Variants in EZH2 observed in about 807,000 individuals in gnomAD.
EZH2 encodes histone-lysine N-methyltransferase EZH2.
EZH2 carries 18 observed loss-of-function variants against 98.4 expected under a neutral mutation model. The observed-to-expected ratio is 0.18, with a 90% CI of 0.13 to 0.27. EZH2 has a LOEUF of 0.27. Ranked by LOEUF, EZH2 falls within the 10% of genes least tolerant of loss-of-function variation. The probability of loss-of-function intolerance (pLI) is 1.00; values close to 1 mark genes in which losing one functional copy is unlikely to be tolerated. For missense variants in EZH2, 470 were observed against 935.1 expected, an observed-to-expected ratio of 0.50 and a Z score of 6.49; for synonymous variants, 338 against 312.3, an observed-to-expected ratio of 1.08 and a Z score of -0.87.
In EZH2 at chr7:148,807,495, A is replaced by G. The variant is rs1801775433; in HGVS notation, c.*151T>C. 1.2e-5 allele frequency: 8 copies of G among 668,676 alleles called. No individual in the cohort carries two copies. The highest frequency in any genetic ancestry group is 2.6e-6 in the Non-Finnish European group (1 of 387,604). 41.4% of individuals were successfully genotyped at this position (668,676 alleles called of 1,614,324 possible). The stretch of plus-strand genomic sequence containing the variant: ...CTGGTGAGAAGGCAATAAAAAGTTG[A>G]TTTTTAAACTCATTACTATAAATTA... On this transcript the variant is annotated 3_prime_UTR_variant, in exon 20 of 20. Coordinates refer to ENST00000320356, the MANE Select transcript of EZH2 (RefSeq NM_004456.5).
intron 1 of EZH2, among the ~76,000 whole-genome samples, chr7:148,883,682 G>A (rs890585263): frequency 4.6e-5 from 7 of 151,444 alleles, no homozygotes; most frequent in African/African-American, 1.7e-4. Context: ...GAGCCCTCCG[G>A]AGACACAGTC....
chr7:148,814,778 T>A (rs559366067), intron 14 of EZH2, 136 bp downstream of exon 14: 14 of 1,124,778 alleles, frequency 1.2e-5, no homozygotes, highest in Non-Finnish European at 1.7e-5. Flanking sequence ...TGGGGCTCAA[T>A]AAATACTTGT....
intron 1 of EZH2, among the ~76,000 whole-genome samples, chr7:148,878,897 CAAA>C (rs1336074463): frequency 6.8e-6 from 1 of 146,364 alleles, no homozygotes; most frequent in South Asian, 2.2e-4. Context: ...ACCCTGTCTC[CAAA>C]AAAAAATTTT....
intron 3 of EZH2, among the ~76,000 whole-genome samples, chr7:148,839,053 T>TAAGGAAGGAAGGAGAAGG (rs1554402364): frequency 9.3e-6 from 1 of 107,744 alleles, no homozygotes; most frequent in African/African-American, 3.7e-5. Context: ...CTCTGTCAAA[T>TAAGGAAGGAAGGAGAAGG]AAGGAAGGAA....
At chr7:148,878,559 T>C (rs1820491678) in intron 1 of EZH2, among the ~76,000 whole-genome samples, 1 of 152,242 alleles carries the variant, frequency 6.6e-6, no homozygotes, top group South Asian at 2.1e-4. Context: ...ATATACCACA[T>C]TTTGTTAATT....
Position 148,868,882 on chromosome 7 carries a change from C to T in EZH2, c.-8+15282G>A, listed in dbSNP as rs146564402. The stretch of plus-strand genomic sequence containing the variant: ...TTTCTAGAAAATGTGTATAGTACAG[C>T]TGGCCAGTTACATGCTATTTGTAAA... On this transcript the variant is annotated intron_variant, in intron 1 of 19. Coordinates refer to ENST00000320356, the MANE Select transcript of EZH2 (RefSeq NM_004456.5). 8.4e-3 allele frequency among the ~76,000 whole-genome samples: 1,283 copies of T among 152,178 alleles called. 27 individuals are homozygous for T. The highest frequency in any genetic ancestry group is 0.03 in the African/African-American group (1,228 of 41,480).
intron 8 of EZH2, among the ~76,000 whole-genome samples, chr7:148,823,666 T>G (rs1464660974): frequency 6.6e-6 from 1 of 151,764 alleles, no homozygotes; most frequent in Non-Finnish European, 1.5e-5. Context: ...TTTTTTTTTT[T>G]TAAGAGATGG....
At chr7:148,869,796 T>C (rs767873345) in intron 1 of EZH2, among the ~76,000 whole-genome samples, 8 of 140,822 alleles carry the variant, frequency 5.7e-5, no homozygotes, top group Non-Finnish European at 1.2e-4. Context: ...ATCTCATTCA[T>C]GTCACCATGA....
intron 1 of EZH2, among the ~76,000 whole-genome samples, chr7:148,882,567 TAC>T (rs754831997): frequency 5.3e-5 from 8 of 152,222 alleles, no homozygotes; most frequent in Non-Finnish European, 7.3e-5. Flanking sequence ...AAGTTAGGAT[TAC>T]ACACTTGTAC....
At chr7:148,874,060 C>T (rs1377869980) in intron 1 of EZH2, among the ~76,000 whole-genome samples, 1 of 152,074 alleles carries the variant, frequency 6.6e-6, no homozygotes, top group East Asian at 1.9e-4. Context: ...GTAAGAAAAT[C>T]AAGTGAGATC....
At chr7:148,858,407 C>A (rs1433292743) in intron 1 of EZH2, among the ~76,000 whole-genome samples, 1 of 152,150 alleles carries the variant, frequency 6.6e-6, no homozygotes, top group Admixed American at 6.5e-5. Flanking sequence ...CCGACCGTAG[C>A]TCACTGCAGC....
At position 148,826,506 on chromosome 7, in the gene EZH2, G is replaced by C. The variant is rs1563235911; in HGVS notation, c.855C>G (p.Phe285Leu). 2 of 1,603,406 alleles carry C rather than the reference G, an allele frequency of 1.2e-6. No individual in the cohort carries two copies. The change falls in exon 8 of 20, where the codon TTC becomes TTG. Residue 285 changes from phenylalanine to leucine, a missense_variant. Physicochemically the swap from Phe to Leu is conservative, Grantham distance 22. Transcript: ENST00000320356. ...AGTCATATTTAAAACATCGCCTACA[G>C]AAAAGCGTATGAAAGGAGTGTAAGC... is the stretch of plus-strand genomic sequence containing the variant. ...EQSLHSFHTLFCRRCFKYDCF... is the reference protein window; with the variant it reads ...EQSLHSFHTLLCRRCFKYDCF...
chr7:148,818,202 G>A (rs376717868), intron 9 of EZH2, 85 bp from the exon 10 acceptor site: 2 of 1,383,350 alleles, frequency 1.4e-6, no homozygotes, highest in Non-Finnish European at 1.9e-6. Context: ...TATAAGCCAG[G>A]TTAGTCAAAA....
intron 6 of EZH2, among the ~76,000 whole-genome samples, chr7:148,828,099 CAG>C (rs1484857632): frequency 3.9e-5 from 6 of 152,198 alleles, no homozygotes; most frequent in African/African-American, 1.4e-4. Flanking sequence ...GCCTGGGCGA[CAG>C]AGCGAGACTC....
chr7:148,882,792 T>C (rs552699182), intron 1 of EZH2, among the ~76,000 whole-genome samples: 1 of 152,184 alleles, frequency 6.6e-6, no homozygotes, highest in East Asian at 1.9e-4. Flanking sequence ...TTTAAGTAAA[T>C]AGCAAAGACA....
intron 3 of EZH2, among the ~76,000 whole-genome samples, chr7:148,844,597 C>T (rs1418055044): frequency 6.6e-6 from 1 of 152,026 alleles, no homozygotes; most frequent in South Asian, 2.1e-4. Flanking sequence ...TCTCAATCTG[C>T]GTGTGTGTGT....
intron 6 of EZH2, 106 bp from the exon 7 acceptor site, chr7:148,827,372 G>A (rs1431221169): frequency 1.3e-6 from 1 of 767,552 alleles, no homozygotes; most frequent in Non-Finnish European, 2.1e-6. Context: ...GATTTTCTAA[G>A]AAATCATCTC....
At chr7:148,856,443 G>A (rs1208083795) in intron 1 of EZH2, among the ~76,000 whole-genome samples, 1 of 152,206 alleles carries the variant, frequency 6.6e-6, no homozygotes, top group Admixed American at 6.5e-5. Context: ...GCACATGCAG[G>A]TTAGCTGAAA....
intron 8 of EZH2, among the ~76,000 whole-genome samples, chr7:148,820,183 T>C (rs946867839): frequency 8.5e-5 from 13 of 152,194 alleles, no homozygotes; most frequent in Non-Finnish European, 1.8e-4. Context: ...TTCCTGTGAA[T>C]CATACCCAAT....
Sources: allele counts gnomAD v4.1 joint callset (sites outside exome capture counted in the v4.1 genomes callset), GRCh38; gene constraint gnomAD v4.1.1; transcripts MANE v1.5; gene names NCBI Gene and HGNC (gene_info 2026-07-23, HGNC 2026-07-21).